Variants in TRPM3 observed in about 807,000 individuals in gnomAD.
TRPM3 encodes transient receptor potential cation channel subfamily M member 3, also known as long transient receptor potential channel 3.
In TRPM3, 77 loss-of-function variants were observed where a neutral mutation model predicts 181.2. That is an observed-to-expected ratio of 0.42 (90% CI 0.35 to 0.51). The LOEUF is 0.51. Ranked by LOEUF, TRPM3 falls within the 20% of genes least tolerant of loss-of-function variation. TRPM3 has a pLI of 0.01. For missense variants in TRPM3, 1,759 were observed against 2,196.7 expected, an observed-to-expected ratio of 0.80 and a Z score of 3.98; for synonymous variants, 745 against 796.4, an observed-to-expected ratio of 0.94 and a Z score of 1.09.
intron 6 of TRPM3, among the ~76,000 whole-genome samples, chr9:70,804,005 T>C (rs1453185102): frequency 6.6e-6 from 1 of 152,110 alleles, no homozygotes; most frequent in East Asian, 1.9e-4. Flanking sequence ...AGACTAGGAC[T>C]GCCTTCCTCT....
At chr9:70,619,406 CTTTTTTTTTTTT>C (rs1170887633) in intron 16 of TRPM3, among the ~76,000 whole-genome samples, 2 of 81,418 alleles carry the variant, frequency 2.5e-5, no homozygotes, top group African/African-American at 9.6e-5. Flanking sequence ...TCGTCGTCTT[CTTTTTTTTTTTT>C]TTTTTTTTTT....
chr9:70,749,315 A>G (rs567991558), intron 8 of TRPM3, among the ~76,000 whole-genome samples: 1 of 152,300 alleles, frequency 6.6e-6, no homozygotes, highest in African/African-American at 2.4e-5. Context: ...AGCTGTAGGG[A>G]AGTAGGAAGT....
rs5898183 is a variant in TRPM3, at chr9:71,187,889, TGATAGATAGATAGATAGATAGATA to T, written c.183+258740_183+258763del. Among the ~76,000 whole-genome samples the T allele has an allele frequency of 8.3e-4, 121 of 146,212 alleles. No individual in the cohort carries two copies. In the East Asian group the frequency reaches 9.5e-3, roughly 11 times the overall value. Reference sequence around the variant, plus strand: ...TCTTCAAGACAGACAGGCAGACAGATGATAGATAGATAGATAGATAGATAGATAGATAGATAGATAGATAGATAG... The same window carrying T: ...TCTTCAAGACAGACAGGCAGACAGATGATAGATAGATAGATAGATAGATAG... On this transcript the variant is annotated intron_variant, in intron 1 of 24. Transcript: ENST00000357533.
At chr9:70,609,358 G>T (rs79998140) in intron 19 of TRPM3, among the ~76,000 whole-genome samples, 6,774 of 152,166 alleles carry the variant, frequency 0.045, 506 homozygotes, top group African/African-American at 0.15. Flanking sequence ...TGGGGGGAGA[G>T]AATTTTTCTC....
intron 1 of TRPM3, among the ~76,000 whole-genome samples, chr9:71,026,983 T>TGCC (rs951020949): frequency 1.3e-5 from 2 of 152,156 alleles, no homozygotes; most frequent in Non-Finnish European, 2.9e-5. Flanking sequence ...GCACTGCTGC[T>TGCC]GCCACTGCTT....
At chr9:71,107,145 C>T (rs915268630) in intron 1 of TRPM3, among the ~76,000 whole-genome samples, 1 of 152,058 alleles carries the variant, frequency 6.6e-6, no homozygotes, top group African/African-American at 2.4e-5. Context: ...TATAAATATA[C>T]CCCCAACCCT....
At chr9:71,269,744 T>C (rs1253163492) in intron 1 of TRPM3, among the ~76,000 whole-genome samples, 4 of 152,188 alleles carry the variant, frequency 2.6e-5, no homozygotes, top group Non-Finnish European at 4.4e-5. Context: ...TTATAAAATA[T>C]ATTTTTGCCT....
chr9:71,169,584 A>T (rs1259254842), intron 1 of TRPM3, among the ~76,000 whole-genome samples: 1 of 152,134 alleles, frequency 6.6e-6, no homozygotes, highest in Non-Finnish European at 1.5e-5. Flanking sequence ...TTGATTCTTT[A>T]CTGATGTTAT....
At chr9:71,410,489 A>G (rs1048439226) in intron 1 of TRPM3, among the ~76,000 whole-genome samples, 1 of 152,206 alleles carries the variant, frequency 6.6e-6, no homozygotes, top group Admixed American at 6.5e-5. Flanking sequence ...CCTCTATGCA[A>G]ATAAACTAGA....
At chr9:70,632,775 G>T (rs1250203796) in intron 12 of TRPM3, among the ~76,000 whole-genome samples, 1 of 151,960 alleles carries the variant, frequency 6.6e-6, no homozygotes, top group Non-Finnish European at 1.5e-5. Context: ...TTACCATCCT[G>T]TTCTTTCTTG....
chr9:70,664,628 G>T (rs2061560103), intron 9 of TRPM3, among the ~76,000 whole-genome samples: 1 of 141,232 alleles, frequency 7.1e-6, no homozygotes, highest in African/African-American at 2.6e-5. Flanking sequence ...AACCACACCC[G>T]ATTAGGAGAG....
intron 3 of TRPM3, among the ~76,000 whole-genome samples, chr9:70,846,934 T>C (rs1192807280): frequency 6.6e-6 from 1 of 152,238 alleles, no homozygotes; most frequent in Non-Finnish European, 1.5e-5. Flanking sequence ...CAAATGTTTC[T>C]AATATTTTTC....
chr9:71,403,574 C>T (rs187476987), intron 1 of TRPM3, among the ~76,000 whole-genome samples: 14 of 152,242 alleles, frequency 9.2e-5, no homozygotes, highest in Non-Finnish European at 1.5e-4. Flanking sequence ...CTCACATTTT[C>T]GTTGACGCTT....
At chr9:70,904,714 A>G (rs934704653) in intron 1 of TRPM3, among the ~76,000 whole-genome samples, 7 of 152,180 alleles carry the variant, frequency 4.6e-5, no homozygotes, top group African/African-American at 1.7e-4. Flanking sequence ...CACTGAGAAT[A>G]TATATTTTTC....
At chr9:70,965,327 A>G (rs2097174582) in intron 1 of TRPM3, among the ~76,000 whole-genome samples, 1 of 152,108 alleles carries the variant, frequency 6.6e-6, no homozygotes, top group Non-Finnish European at 1.5e-5. Context: ...GTAATAAGTA[A>G]TGTGCTAAGT....
intron 21 of TRPM3, among the ~76,000 whole-genome samples, chr9:70,593,763 C>T (rs1049818250): frequency 6.6e-6 from 1 of 150,980 alleles, no homozygotes; most frequent in African/African-American, 2.4e-5. Context: ...ATTATCCAGT[C>T]GGTTCAATAT....
Position 70,616,849 on chromosome 9 carries a change from A to G in TRPM3, c.2359-774T>C, listed in dbSNP as rs141697528. ...ACTAAATACGGAAGCCTTTCTTCTG[A>G]GAGGGCGGTCTCATTCTTCAGAATG... On this transcript the variant is annotated intron_variant, in intron 17 of 25. Transcript: ENST00000677713. Among the ~76,000 whole-genome samples the G allele has an allele frequency of 1.3e-3, 195 of 152,264 alleles. 1 individual carries two copies. The highest frequency in any genetic ancestry group is 4.6e-3 in the African/African-American group (191 of 41,540).
chr9:71,114,802 T>C (rs1445708958), intron 1 of TRPM3, among the ~76,000 whole-genome samples: 3 of 152,150 alleles, frequency 2.0e-5, no homozygotes, highest in South Asian at 4.2e-4. Context: ...AGGGGGCATA[T>C]GTAGGATGTT....
At position 71,238,885 on chromosome 9, in the gene TRPM3, TG is replaced by T. The variant is rs369376973; in HGVS notation, c.183+207767del. On this transcript the variant is annotated intron_variant, in intron 1 of 24. Transcript: ENST00000357533. The stretch of plus-strand genomic sequence containing the variant: ...TCATGTTAGTTTTGGATAATACTTT[TG>T]AAAAATCGCCAACCCTTGTCCTAAG... Among the ~76,000 whole-genome samples, 159 of 152,312 alleles carry T rather than the reference TG, an allele frequency of 1.0e-3. 1 individual carries two copies. The South Asian group carries it at 0.012, about 12-fold the overall frequency.
Sources: gnomAD v4.1 joint callset for allele counts (sites outside exome capture counted in the v4.1 genomes callset) on GRCh38, gnomAD v4.1.1 for gene constraint, MANE v1.5 for transcripts, NCBI Gene and HGNC (gene_info 2026-07-23, HGNC 2026-07-21) for gene names.